Variants in DLGAP2 observed in about 807,000 individuals in gnomAD.
DLGAP2 encodes disks large-associated protein 2.
In DLGAP2, 26 loss-of-function variants were observed where a neutral mutation model predicts 100.3. The observed-to-expected ratio is 0.26, with a 90% CI of 0.19 to 0.36. The LOEUF (loss-of-function observed/expected upper bound fraction) is 0.36. Among genes scored for constraint, DLGAP2 ranks in the 10% least tolerant of loss-of-function variants. The probability of loss-of-function intolerance (pLI) is 1.00; values close to 1 mark genes in which losing one functional copy is unlikely to be tolerated. For missense variants in DLGAP2, 1,858 were observed against 1,453.2 expected (o/e 1.28, Z -4.53); for synonymous variants, 886 against 630.1 (o/e 1.41, Z -6.08).
intron 3 of DLGAP2, among the ~76,000 whole-genome samples, chr8:1,363,185 C>G (rs1214367241): frequency 1.3e-5 from 2 of 152,250 alleles, no homozygotes; most frequent in East Asian, 1.9e-4. Flanking sequence ...GCTGCGGGCA[C>G]CAGCCTTCCT....
intron 2 of DLGAP2, among the ~76,000 whole-genome samples, chr8:1,244,386 G>T (rs1305016472): frequency 1.3e-5 from 2 of 152,210 alleles, no homozygotes; most frequent in African/African-American, 4.8e-5. Flanking sequence ...TGAACATAGG[G>T]ATATGAGCTC....
intron 8 of DLGAP2, among the ~76,000 whole-genome samples, chr8:1,635,857 G>C (rs190843886): frequency 6.6e-6 from 1 of 152,222 alleles, no homozygotes; most frequent in African/African-American, 2.4e-5. Context: ...GAGGACGTCT[G>C]TTGGTTTGGG....
chr8:948,161 C>T (rs1161800856), intron 2 of DLGAP2, among the ~76,000 whole-genome samples: 1 of 152,240 alleles, frequency 6.6e-6, no homozygotes, highest in African/African-American at 2.4e-5. Context: ...CTGTGGGCGT[C>T]CTGAACCCCA....
chr8:1,291,324 A>G (rs1800053393), intron 3 of DLGAP2, among the ~76,000 whole-genome samples: 2 of 152,198 alleles, frequency 1.3e-5, no homozygotes, highest in Non-Finnish European at 2.9e-5. Context: ...AGGGATGGGA[A>G]AAGTGTGAAA....
intron 1 of DLGAP2, among the ~76,000 whole-genome samples, chr8:750,397 A>G (rs1820761316): frequency 6.6e-6 from 1 of 152,258 alleles, no homozygotes; most frequent in East Asian, 1.9e-4. Flanking sequence ...AACATTTCGA[A>G]TCTTTTCTAT....
intron 3 of DLGAP2, among the ~76,000 whole-genome samples, chr8:1,438,166 G>C (rs1797706228): frequency 6.6e-6 from 1 of 152,070 alleles, no homozygotes; most frequent in Non-Finnish European, 1.5e-5. Context: ...GTGTGGGTGT[G>C]GTTACGAGGG....
chr8:1,198,056 C>T (rs1047963513), intron 2 of DLGAP2, among the ~76,000 whole-genome samples: 2 of 152,110 alleles, frequency 1.3e-5, no homozygotes, highest in African/African-American at 2.4e-5. Context: ...GGATGAGGAA[C>T]AGAGGCCAAT....
chr8:1,411,706 C>T (rs968732959), intron 3 of DLGAP2, among the ~76,000 whole-genome samples: 15 of 152,320 alleles, frequency 9.8e-5, no homozygotes, highest in Admixed American at 7.8e-4. Context: ...ATTTCACAGG[C>T]TCACGAAGCT....
chr8:754,632 T>C (rs1490731331), intron 1 of DLGAP2, among the ~76,000 whole-genome samples: 1 of 152,146 alleles, frequency 6.6e-6, no homozygotes. Context: ...GGAGGGAAGA[T>C]TGAGGTCAGG....
At chr8:902,450 G>C (rs1798272574) in intron 1 of DLGAP2, among the ~76,000 whole-genome samples, 1 of 149,254 alleles carries the variant, frequency 6.7e-6, no homozygotes, top group Non-Finnish European at 1.5e-5. Flanking sequence ...GTCCAGGCGT[G>C]TGCAAGGTTT....
At chr8:781,065 T>C (rs192670384) in intron 1 of DLGAP2, among the ~76,000 whole-genome samples, 11 of 152,372 alleles carry the variant, frequency 7.2e-5, no homozygotes, top group African/African-American at 2.4e-4. Flanking sequence ...CATGAAAATA[T>C]GTATAGATAA....
At chr8:908,001 A>T (rs919625446) in intron 2 of DLGAP2, 35 bp downstream of exon 2, 6 of 398,808 alleles carry the variant, frequency 1.5e-5, no homozygotes, top group Non-Finnish European at 2.2e-5. Context: ...TTGGGATTAT[A>T]TGTTTCGTAT....
At chr8:1,232,388 C>T (rs1288821033) in intron 2 of DLGAP2, among the ~76,000 whole-genome samples, 1 of 152,238 alleles carries the variant, frequency 6.6e-6, no homozygotes, top group African/African-American at 2.4e-5. Context: ...CTGTCCTCAT[C>T]ATTCCAGGTC....
intron 2 of DLGAP2, among the ~76,000 whole-genome samples, chr8:1,032,026 G>C (rs576232398): frequency 6.6e-6 from 1 of 152,184 alleles, no homozygotes; most frequent in Non-Finnish European, 1.5e-5. Flanking sequence ...GCTGATTACT[G>C]ATGGCGTCAA....
chr8:1,033,181 C>G (rs1188004909), intron 2 of DLGAP2, among the ~76,000 whole-genome samples: 4 of 152,120 alleles, frequency 2.6e-5, no homozygotes, highest in South Asian at 4.2e-4. Flanking sequence ...CATGCTGTGA[C>G]TGATCATGGC....
intron 2 of DLGAP2, among the ~76,000 whole-genome samples, chr8:1,120,001 G>A (rs1268124064): frequency 6.6e-6 from 1 of 152,142 alleles, no homozygotes; most frequent in African/African-American, 2.4e-5. Flanking sequence ...TTTAGGGCTG[G>A]GCTGAAAAAT....
rs201158843 is a variant in DLGAP2, at chr8:1,469,641, G to C, written c.107-31725G>C. Among the ~76,000 whole-genome samples the C allele has an allele frequency of 7.2e-5, 11 of 152,278 alleles. No individual in the cohort carries two copies. The East Asian group carries it at 2.1e-3, about 29-fold the overall frequency. Reference sequence around the variant, plus strand: ...GCAACGTGAAATCACCAATGCATCTGCCTCACCCCAAGATGATTCTCACGT... The same window carrying C: ...GCAACGTGAAATCACCAATGCATCTCCCTCACCCCAAGATGATTCTCACGT... On this transcript the variant is annotated intron_variant, in intron 3 of 14. Transcript: ENST00000637795.
At chr8:1,577,593 T>C (rs62484130) in intron 6 of DLGAP2, among the ~76,000 whole-genome samples, 1 of 134,240 alleles carries the variant, frequency 7.4e-6, no homozygotes, top group African/African-American at 3.2e-5. Context: ...AAAAAAAATT[T>C]AAAGCAAGTA....
intron 6 of DLGAP2, among the ~76,000 whole-genome samples, chr8:1,573,102 G>T (rs1802808279): frequency 9.8e-6 from 1 of 102,494 alleles, no homozygotes; most frequent in Non-Finnish European, 2.0e-5. Flanking sequence ...AGAGGAGAGA[G>T]GGGTGAACTG....
Sources: allele counts gnomAD v4.1 joint callset (sites outside exome capture counted in the v4.1 genomes callset), GRCh38; gene constraint gnomAD v4.1.1; transcripts MANE v1.5; gene names NCBI Gene and HGNC (gene_info 2026-07-23, HGNC 2026-07-21).